Variants in AUTS2 observed in about 807,000 individuals in gnomAD.
AUTS2 encodes autism susceptibility gene 2 protein.
AUTS2 carries 17 observed loss-of-function variants against 112.4 expected under a neutral mutation model. The ratio of observed to expected loss-of-function variants is 0.15; its 90% confidence interval spans 0.10 to 0.23. The LOEUF (loss-of-function observed/expected upper bound fraction) is 0.23, where lower values mean the gene tolerates loss of function less well. AUTS2 is among the 10% of genes least tolerant of loss of function. The probability of loss-of-function intolerance (pLI) is 1.00; values close to 1 mark genes in which losing one functional copy is unlikely to be tolerated. For missense variants in AUTS2, 1,510 were observed against 1,701.6 expected, an observed-to-expected ratio of 0.89 and a Z score of 1.98; for synonymous variants, 751 against 702.7, an observed-to-expected ratio of 1.07 and a Z score of -1.09.
At chr7:70,521,558 C>A (rs946323683) in intron 5 of AUTS2, among the ~76,000 whole-genome samples, 1 of 152,170 alleles carries the variant, frequency 6.6e-6, no homozygotes, top group East Asian at 1.9e-4. Context: ...AATGTATTAT[C>A]TAAACTCTTT....
At chr7:69,958,307 G>A (rs1049026032) in intron 2 of AUTS2, among the ~76,000 whole-genome samples, 4 of 152,080 alleles carry the variant, frequency 2.6e-5, no homozygotes, top group Non-Finnish European at 5.9e-5. Flanking sequence ...AGACTGTATG[G>A]CCTGCAAAAC....
chr7:70,275,765 TCTC>T (rs1015616993), intron 4 of AUTS2, among the ~76,000 whole-genome samples: 1 of 152,156 alleles, frequency 6.6e-6, no homozygotes, highest in African/African-American at 2.4e-5. Flanking sequence ...GCTTTTTTCT[TCTC>T]TGGGCACTCA....
chr7:69,807,941 T>A (rs1285706835), intron 1 of AUTS2, among the ~76,000 whole-genome samples: 1 of 79,636 alleles, frequency 1.3e-5, no homozygotes, highest in Non-Finnish European at 2.6e-5. Context: ...AGGCCCAAGC[T>A]TTTTTTTTTT....
intron 2 of AUTS2, among the ~76,000 whole-genome samples, chr7:69,965,064 T>A (rs2129547361): frequency 6.6e-6 from 1 of 152,188 alleles, no homozygotes; most frequent in East Asian, 1.9e-4. Context: ...CTTACAAGAA[T>A]CACATCTCTA....
intron 2 of AUTS2, among the ~76,000 whole-genome samples, chr7:69,952,441 C>T (rs1797063166): frequency 6.6e-6 from 1 of 152,094 alleles, no homozygotes; most frequent in Non-Finnish European, 1.5e-5. Flanking sequence ...AAGTAGTAAG[C>T]TTTTTCGTTT....
At chr7:69,709,949 A>G (rs1041152061) in intron 1 of AUTS2, among the ~76,000 whole-genome samples, 6 of 152,176 alleles carry the variant, frequency 3.9e-5, no homozygotes, top group East Asian at 1.9e-4. Flanking sequence ...TAAAAATGCC[A>G]GAACCTTACC....
At chr7:70,270,366 A>G (rs1432668833) in intron 4 of AUTS2, among the ~76,000 whole-genome samples, 3 of 152,064 alleles carry the variant, frequency 2.0e-5, no homozygotes, top group Non-Finnish European at 4.4e-5. Flanking sequence ...GATGAGGAGG[A>G]TTGAGAAGAG....
intron 1 of AUTS2, among the ~76,000 whole-genome samples, chr7:69,835,314 A>G (rs961663776): frequency 1.3e-5 from 2 of 152,138 alleles, no homozygotes; most frequent in East Asian, 3.9e-4. Context: ...ATACAGATAG[A>G]GAGATGGCAA....
intron 5 of AUTS2, among the ~76,000 whole-genome samples, chr7:70,551,182 A>G (rs977763693): frequency 7.2e-5 from 11 of 152,144 alleles, no homozygotes; most frequent in Non-Finnish European, 1.6e-4. Flanking sequence ...AATGGAGGAG[A>G]AGGAACAAAC....
chr7:70,528,618 T>C (rs1799953059), intron 5 of AUTS2, among the ~76,000 whole-genome samples: 1 of 144,636 alleles, frequency 6.9e-6, no homozygotes, highest in South Asian at 2.2e-4. Flanking sequence ...ACTTCAAAAA[T>C]ATACCATCTA....
At chr7:70,166,455 GA>G (rs1808386770) in intron 4 of AUTS2, among the ~76,000 whole-genome samples, 2 of 152,090 alleles carry the variant, frequency 1.3e-5, no homozygotes, top group Non-Finnish European at 2.9e-5. Flanking sequence ...TAAAGGATGG[GA>G]GGGAGGAAAT....
intron 1 of AUTS2, among the ~76,000 whole-genome samples, chr7:69,740,871 T>C (rs1787236005): frequency 6.6e-6 from 1 of 152,182 alleles, no homozygotes; most frequent in Non-Finnish European, 1.5e-5. Context: ...TGTGAGGTTA[T>C]CACTGCTCCT....
At chr7:70,562,718 G>A (rs1563043206) in intron 5 of AUTS2, among the ~76,000 whole-genome samples, 3 of 152,166 alleles carry the variant, frequency 2.0e-5, no homozygotes, top group Non-Finnish European at 4.4e-5. Context: ...GGTGTTTGCT[G>A]AACAAATGAA....
intron 6 of AUTS2, among the ~76,000 whole-genome samples, chr7:70,703,673 A>G (rs1345048122): frequency 6.6e-6 from 1 of 152,128 alleles, no homozygotes; most frequent in Non-Finnish European, 1.5e-5. Flanking sequence ...AGTCGCAGGG[A>G]GGACATGATG....
chr7:70,755,220 G>A (rs1189578205), intron 6 of AUTS2, among the ~76,000 whole-genome samples: 1 of 151,922 alleles, frequency 6.6e-6, no homozygotes, highest in Non-Finnish European at 1.5e-5. Context: ...GCTGCAATGG[G>A]CTATGATCAC....
intron 5 of AUTS2, among the ~76,000 whole-genome samples, chr7:70,512,132 C>T (rs1396993485): frequency 6.6e-6 from 1 of 152,186 alleles, no homozygotes; most frequent in Non-Finnish European, 1.5e-5. Context: ...TGGGTCCCCA[C>T]GTTGATCTCA....
Position 70,790,572 on chromosome 7 carries a change from G to A in AUTS2, c.3356G>A (p.Arg1119Gln), listed in dbSNP as rs1791860775. 5 of 1,602,128 alleles carry A rather than the reference G, an allele frequency of 3.1e-6. No individual in the cohort carries two copies. Among genetic ancestry groups the A allele is most frequent in the Non-Finnish European group, 4.3e-6 (5 of 1,175,114 alleles). Residue 1119 changes from arginine to glutamine, a missense_variant, in exon 19 of 19, where the codon CGG becomes CAG. Physicochemically the swap from Arg to Gln is conservative, Grantham distance 43. Transcript: ENST00000342771. The surrounding 1 kb of genome is among the most constrained non-coding windows in gnomAD (Gnocchi z 7.6). The part of the protein sequence containing the change: ...LYEADRSFRD[R>Q]EPHDYSHHHH... ...GAAGCCGACCGCTCCTTCAGGGACC[G>A]GGAGCCTCACGACTACAGCCACCAC... is the stretch of plus-strand genomic sequence containing the variant.
chr7:70,303,998 T>C (rs992370063), intron 4 of AUTS2, among the ~76,000 whole-genome samples: 1 of 152,200 alleles, frequency 6.6e-6, no homozygotes, highest in Non-Finnish European at 1.5e-5. Flanking sequence ...GCCAACATGC[T>C]GCCCCTCCTC....
intron 4 of AUTS2, among the ~76,000 whole-genome samples, chr7:70,418,094 T>TGC (rs1795062059): frequency 1.4e-5 from 2 of 146,294 alleles, no homozygotes; most frequent in Non-Finnish European, 3.0e-5. Flanking sequence ...TGTGTGTGTG[T>TGC]GTGTGTGTGT....
Sources: allele counts gnomAD v4.1 joint callset (sites outside exome capture counted in the v4.1 genomes callset), GRCh38; gene constraint gnomAD v4.1.1; non-coding constraint Gnocchi (gnomAD v3.1); transcripts MANE v1.5; gene names NCBI Gene and HGNC (gene_info 2026-07-23, HGNC 2026-07-21).